The following CCPG1 variants were observed in gnomAD, a reference collection of about 807,000 sequenced individuals.
The protein encoded by CCPG1 is cell cycle progression 1.
Under a neutral mutation model 81.3 loss-of-function variants are expected in CCPG1, and 46 were observed. The ratio of observed to expected loss-of-function variants is 0.57; its 90% CI spans 0.45 to 0.72. The LOEUF (loss-of-function observed/expected upper bound fraction) is 0.72, where lower values mean the gene tolerates loss of function less well. Ranked by LOEUF, CCPG1 falls within the 30% of genes least tolerant of loss-of-function variation. The pLI, the probability that CCPG1 is intolerant of heterozygous loss-of-function variation, is 0.00. For synonymous variants in CCPG1, 330 were observed against 305.2 expected, an observed-to-expected ratio of 1.08 and a Z score of -0.85; for missense variants, 902 against 937.6, an observed-to-expected ratio of 0.96 and a Z score of 0.50.
At chr15:55,387,812 C>T (rs970434841) in intron 2 of CCPG1, among the ~76,000 whole-genome samples, 5 of 107,020 alleles carry the variant, frequency 4.7e-5, no homozygotes, top group African/African-American at 1.8e-4. Context: ...TCCCAAAGTG[C>T]TGGAATTACA....
At chr15:55,358,253 AAAG>A (rs1263144423) in intron 8 of CCPG1, 5 of 458,354 alleles carry the variant, frequency 1.1e-5, no homozygotes, top group Non-Finnish European at 1.4e-5. Flanking sequence ...GTGAGATTGT[AAAG>A]AAGGAAAAAG....
chr15:55,401,295 A>G (rs926745893), intron 1 of CCPG1, among the ~76,000 whole-genome samples: 1 of 152,194 alleles, frequency 6.6e-6, no homozygotes, highest in African/African-American at 2.4e-5. Context: ...TTCCTGAACC[A>G]CTACAACGCT....
chr15:55,360,328 TTTGAC>T lies in CCPG1; in HGVS notation c.1440_1444del (p.Ser481GlyfsTer8). On this transcript the variant is annotated frameshift_variant, in exon 8 of 9. Transcript: ENST00000442196. LOFTEE classifies it high-confidence loss of function. ...CTTAACTGAACCCAAAAATGTTTCC[TTTGAC>T]TTATTTTTAGCCCTGTGGCTTCCTC... The T allele has an allele frequency of 6.2e-7, 1 of 1,613,862 alleles. No individual in the cohort carries two copies. Among genetic ancestry groups the T allele is most frequent in the Non-Finnish European group, 8.5e-7 (1 of 1,179,976 alleles).
intron 5 of CCPG1, 141 bp from the exon 6 acceptor site, chr15:55,372,185 C>A: frequency 1.4e-6 from 1 of 734,692 alleles, no homozygotes; most frequent in Non-Finnish European, 2.2e-6. Context: ...ACAACATAAA[C>A]AAAAACACGG....
intron 1 of CCPG1, among the ~76,000 whole-genome samples, chr15:55,400,605 A>C (rs1229565868): frequency 1.3e-5 from 2 of 152,168 alleles, no homozygotes; most frequent in Admixed American, 6.6e-5. Flanking sequence ...AGATATTGCT[A>C]AATTGCTCTC....
At position 55,365,201 on chromosome 15, in the gene CCPG1, A is replaced by G. The variant is rs751856171; in HGVS notation, c.815T>C (p.Phe272Ser). 10 of 1,459,258 alleles carry G rather than the reference A, an allele frequency of 6.9e-6. No homozygotes were observed. The highest frequency in any genetic ancestry group is 2.0e-5 in the Admixed American group (1 of 50,470). 90.4% of individuals were successfully genotyped at this position (1,459,258 alleles called of 1,614,324 possible). The part of the protein sequence containing the change: ...LSQCQQEQES[F>S]IDYKSLKENL... ...AGTGGTACATACCTTATAATCTATAAAAGATTCTTGTTCCTGTTGACACTG... is the reference window on the plus strand; with the variant it reads ...AGTGGTACATACCTTATAATCTATAGAAGATTCTTGTTCCTGTTGACACTG... The change falls in exon 7 of 9, where the codon TTT becomes TCT. Residue 272 changes from phenylalanine to serine, a missense_variant. Phe to Ser is a radical substitution (Grantham distance 155, BLOSUM62 -2). This residue lies in a region of CCPG1 where 746 missense variants were observed against 728.6 expected (regional missense o/e 1.02). Coordinates refer to ENST00000442196, the MANE Select transcript of CCPG1 (RefSeq NM_001204450.2).
chr15:55,372,269 C>T (rs949990229), intron 5 of CCPG1: 2 of 567,740 alleles, frequency 3.5e-6, no homozygotes, highest in South Asian at 4.3e-5. Context: ...GTTAATCATA[C>T]TATTTGGTGC....
intron 5 of CCPG1, chr15:55,374,135 G>A (rs1338370390): frequency 7.9e-7 from 1 of 1,263,802 alleles, no homozygotes; most frequent in East Asian, 5.6e-5. Flanking sequence ...AGAGAAGCTG[G>A]TCAGATTTAG....
intron 2 of CCPG1, 123 bp from the exon 3 acceptor site, chr15:55,385,837 GTATC>G: frequency 4.6e-6 from 3 of 657,106 alleles, no homozygotes. Context: ...CAAAGGAACA[GTATC>G]TAATTAGACA....
Position 55,356,180 on chromosome 15 carries a change from A to G in CCPG1, c.*40T>C, listed in dbSNP as rs572427487. The G allele has an allele frequency of 3.5e-6, 5 of 1,438,616 alleles. No homozygotes were observed. The highest frequency in any genetic ancestry group is 1.3e-5 in the South Asian group (1 of 75,652). 89.1% of individuals were successfully genotyped at this position (1,438,616 alleles called of 1,614,324 possible). ...ATACCAAACATTATACAAAGCATAA[A>G]TTTTTCTCTTACAGTTGTCTAATTT... On this transcript the variant is annotated 3_prime_UTR_variant, in exon 9 of 9. Transcript: ENST00000442196.
intron 1 of CCPG1, among the ~76,000 whole-genome samples, chr15:55,396,490 C>A (rs2057019684): frequency 6.6e-6 from 1 of 152,138 alleles, no homozygotes; most frequent in East Asian, 1.9e-4. Context: ...GTTTAACACA[C>A]AACAGCTACA....
intron 5 of CCPG1, among the ~76,000 whole-genome samples, chr15:55,376,615 A>C (rs1456276858): frequency 6.6e-6 from 1 of 152,204 alleles, no homozygotes; most frequent in African/African-American, 2.4e-5. Flanking sequence ...ACTGCAAGCA[A>C]AAATATTAAC....
chr15:55,386,749 T>C (rs1341604307), intron 2 of CCPG1, among the ~76,000 whole-genome samples: 1 of 145,196 alleles, frequency 6.9e-6, no homozygotes, highest in Non-Finnish European at 1.5e-5. Flanking sequence ...AAAAAAAAAA[T>C]AGCCGAGCGT....
At position 55,366,397 on chromosome 15, in the gene CCPG1, A is replaced by G. The variant is rs531157917; in HGVS notation, c.707-1088T>C. ...AATAATTGGCTAATGGTGATTGTGC[A>G]CCATTCTCAAGGCCAAATTTGTTAA... On this transcript the variant is annotated intron_variant, in intron 6 of 8. Transcript: ENST00000442196. Among the ~76,000 whole-genome samples the G allele has an allele frequency of 2.0e-5, 3 of 152,246 alleles. No individual in the cohort carries two copies. In the South Asian group the frequency reaches 6.2e-4, roughly 31 times the overall value.
intron 1 of CCPG1, among the ~76,000 whole-genome samples, chr15:55,404,776 A>G (rs184644687): frequency 1.3e-5 from 2 of 152,248 alleles, no homozygotes; most frequent in African/African-American, 4.8e-5. Context: ...CTCTACATAA[A>G]ATTTTAAAAT....
intron 1 of CCPG1, among the ~76,000 whole-genome samples, chr15:55,397,375 TA>T (rs1182002976): frequency 2.0e-5 from 3 of 152,076 alleles, no homozygotes; most frequent in African/African-American, 7.2e-5. Context: ...AGAAAAGGAA[TA>T]AAAGATCACT....
At chr15:55,393,204 G>A (rs1183209246) in intron 1 of CCPG1, among the ~76,000 whole-genome samples, 2 of 152,194 alleles carry the variant, frequency 1.3e-5, no homozygotes, top group East Asian at 1.9e-4. Flanking sequence ...GGAGGCTGAG[G>A]TGGGAGGATC....
At chr15:55,378,270 A>C in intron 4 of CCPG1, 30 bp downstream of exon 4, 3 of 1,315,850 alleles carry the variant, frequency 2.3e-6, no homozygotes, top group Non-Finnish European at 3.3e-6. Context: ...ACTATTTAAC[A>C]TATATCCACA....
chr15:55,405,740 G>A (rs1026406647), intron 1 of CCPG1, among the ~76,000 whole-genome samples: 3 of 146,626 alleles, frequency 2.0e-5, no homozygotes, highest in Non-Finnish European at 3.0e-5. Context: ...ACAAATTGTC[G>A]GATCTGTTAT....
Sources: allele counts gnomAD v4.1 joint callset (sites outside exome capture counted in the v4.1 genomes callset), GRCh38; gene constraint gnomAD v4.1.1; regional missense constraint gnomAD v4.1.1; transcripts MANE v1.5; gene names NCBI Gene and HGNC (gene_info 2026-07-23, HGNC 2026-07-21).